HTRA1: variants seen among roughly 807,000 people sequenced by gnomAD.
HTRA1 encodes HtrA serine peptidase 1.
A neutral mutation model predicts 49.7 loss-of-function variants in HTRA1; 26 were observed. The ratio of observed to expected loss-of-function variants is 0.52; its 90% CI spans 0.38 to 0.73. The LOEUF (loss-of-function observed/expected upper bound fraction) is 0.73, where lower values mean the gene tolerates loss of function less well. Ranked by LOEUF, HTRA1 falls within the 30% of genes least tolerant of loss-of-function variation. The pLI is 0.00. For missense variants in HTRA1, 561 were observed against 667.2 expected, an observed-to-expected ratio of 0.84 and a Z score of 1.75; for synonymous variants, 291 against 286.9, an observed-to-expected ratio of 1.01 and a Z score of -0.14.
At chr10:122,476,086 G>T (rs1485524739) in intron 1 of HTRA1, among the ~76,000 whole-genome samples, 1 of 152,022 alleles carries the variant, frequency 6.6e-6, no homozygotes, top group African/African-American at 2.4e-5. Flanking sequence ...CTCCCCTTTC[G>T]CTTCATGCCT....
intron 3 of HTRA1, among the ~76,000 whole-genome samples, chr10:122,491,920 T>G (rs1318843766): frequency 1.3e-5 from 2 of 152,216 alleles, no homozygotes; most frequent in African/African-American, 4.8e-5. Context: ...TTTTTTTTGC[T>G]GATAGTAGTT....
chr10:122,511,334 C>T (rs1334250373), intron 7 of HTRA1, among the ~76,000 whole-genome samples: 3 of 152,122 alleles, frequency 2.0e-5, no homozygotes, highest in African/African-American at 7.2e-5. Context: ...AAGCAACTGT[C>T]CGAGGTCACA....
intron 3 of HTRA1, among the ~76,000 whole-genome samples, chr10:122,495,470 C>A (rs928784445): frequency 5.3e-5 from 8 of 152,102 alleles, no homozygotes; most frequent in African/African-American, 1.9e-4. Context: ...TTATTTTGTG[C>A]CAGGCTTTGT....
chr10:122,466,950 A>G (rs1022433805), intron 1 of HTRA1, among the ~76,000 whole-genome samples: 1 of 138,978 alleles, frequency 7.2e-6, no homozygotes, highest in African/African-American at 3.5e-5. Flanking sequence ...GGAAGTTAAC[A>G]AGCTCAAAAA....
At chr10:122,512,260 G>A (rs2097506004) in intron 8 of HTRA1, among the ~76,000 whole-genome samples, 195 bp downstream of exon 8, 2 of 152,184 alleles carry the variant, frequency 1.3e-5, no homozygotes, top group Admixed American at 1.3e-4. Context: ...TCCATAGGAG[G>A]GTGCCTTCTG....
intron 4 of HTRA1, among the ~76,000 whole-genome samples, 184 bp from the exon 5 acceptor site, chr10:122,507,186 A>G (rs550865462): frequency 6.6e-5 from 10 of 152,256 alleles, no homozygotes; most frequent in African/African-American, 2.4e-4. Flanking sequence ...GGCACCTCTA[A>G]AACTTTCTGA....
intron 1 of HTRA1, among the ~76,000 whole-genome samples, chr10:122,478,392 ATT>A (rs34977432): frequency 5.9e-5 from 7 of 119,084 alleles, no homozygotes; most frequent in Non-Finnish European, 6.6e-5. Context: ...AGTTTGACAG[ATT>A]TTTTTTTTTT....
chr10:122,486,904 GTT>G (rs1329992339), intron 1 of HTRA1, among the ~76,000 whole-genome samples: 1 of 151,958 alleles, frequency 6.6e-6, no homozygotes, highest in Non-Finnish European at 1.5e-5. Context: ...GTGTGGGTGT[GTT>G]TATGCATGTA....
At chr10:122,501,439 C>G (rs2097500819) in intron 3 of HTRA1, among the ~76,000 whole-genome samples, 1 of 152,184 alleles carries the variant, frequency 6.6e-6, no homozygotes, top group Admixed American at 6.5e-5. Flanking sequence ...AGAGTCTTTT[C>G]TAAACATTGT....
intron 1 of HTRA1, among the ~76,000 whole-genome samples, chr10:122,463,327 C>T (rs759196166): frequency 2.0e-5 from 3 of 152,160 alleles, no homozygotes; most frequent in Non-Finnish European, 2.9e-5. Context: ...GGAGCACAGC[C>T]CTCGGGAAAC....
chr10:122,506,802 G>A lies in HTRA1; in HGVS notation c.889G>A (p.Val297Met), dbSNP rs113993969. 2 of 1,613,778 alleles carry A rather than the reference G, an allele frequency of 1.2e-6. No individual in the cohort carries two copies. Among genetic ancestry groups the A allele is most frequent in the Non-Finnish European group, 1.7e-6 (2 of 1,180,024 alleles). ...TCAAAACACAGTCACCACCGGGATCGTGAGCACCACCCAGCGAGGCGGCAA... is the reference window on the plus strand; with the variant it reads ...TCAAAACACAGTCACCACCGGGATCATGAGCACCACCCAGCGAGGCGGCAA... Reference protein sequence around the residue: ...SLQNTVTTGIVSTTQRGGKEL... With the variant: ...SLQNTVTTGIMSTTQRGGKEL... Residue 297 changes from valine (V) to methionine (M), a missense_variant, in exon 4 of 9, where the codon GTG (valine) becomes ATG (methionine). Physicochemically the swap from Val to Met is conservative, Grantham distance 21. Transcript: ENST00000368984. The surrounding 1 kb of genome is among the most constrained non-coding windows in gnomAD (Gnocchi z 5.2).
At position 122,514,655 on chromosome 10, in the gene HTRA1, C is replaced by T. The variant is rs28665753; in HGVS notation, c.*296C>T. 2.4e-6 allele frequency: 1 copy of T among 413,240 alleles called. No homozygotes were observed. Among genetic ancestry groups the T allele is most frequent in the South Asian group, 2.1e-5 (1 of 47,172 alleles). 25.6% of individuals were successfully genotyped at this position (413,240 alleles called of 1,614,324 possible). ...AGTCAGCATTTGTCTCCTCCTTTAA[C>T]TGAGTCATCATCTTAGTCCAACTAA... is the stretch of plus-strand genomic sequence containing the variant. On this transcript the variant is annotated 3_prime_UTR_variant, in exon 9 of 9. Transcript: ENST00000368984.
Position 122,506,131 on chromosome 10 carries a change from C to A in HTRA1, c.778-560C>A, listed in dbSNP as rs1423109943. Among the ~76,000 whole-genome samples the A allele has an allele frequency of 1.3e-5, 2 of 152,240 alleles. No homozygotes were observed. Among genetic ancestry groups the A allele is most frequent in the Non-Finnish European group, 1.5e-5 (1 of 68,044 alleles). On this transcript the variant is annotated intron_variant, in intron 3 of 8. Transcript: ENST00000368984. This position sits in a 1 kb window ranked among gnomAD's most constrained non-coding sequence, Gnocchi z 5.2. ...CCCATGCTCCATCCCTGCCCCTGAC[C>A]AGTGTGGCCCTGTACTCAGCATAGG...
Position 122,461,974 on chromosome 10 carries a change from G to T in HTRA1, c.322G>T (p.Gly108Cys). The stretch of plus-strand genomic sequence containing the variant: ...CACGGTGCGGCGGCGCGCGCAGGCC[G>T]GCCTCTGTGTGTGCGCCAGCAGCGA... ...SATVRRRAQA[G>C]LCVCASSEPV... The change falls in exon 1 of 9, where the codon GGC becomes TGC. Residue 108 changes from glycine to cysteine, a missense_variant. Coordinates refer to ENST00000368984, the MANE Select transcript of HTRA1 (RefSeq NM_002775.5). 6.6e-7 allele frequency: 1 copy of T among 1,511,110 alleles called. No individual in the cohort carries two copies. Among genetic ancestry groups the T allele is most frequent in the Non-Finnish European group, 8.8e-7 (1 of 1,136,870 alleles). 93.6% of individuals were successfully genotyped at this position (1,511,110 alleles called of 1,614,324 possible).
At chr10:122,501,961 G>GTTTTTT (rs541582341) in intron 3 of HTRA1, among the ~76,000 whole-genome samples, 2 of 73,534 alleles carry the variant, frequency 2.7e-5, no homozygotes, top group Admixed American at 2.1e-4. Context: ...TCCATTTGGA[G>GTTTTTT]TTTTTTTTTT....
rs74768103 is a variant in HTRA1, at chr10:122,471,787, T to A, written c.472+9663T>A. 1.3e-4 allele frequency among the ~76,000 whole-genome samples: 20 copies of A among 152,306 alleles called. No homozygotes were observed. In the East Asian group the frequency reaches 3.9e-3, roughly 29 times the overall value. On this transcript the variant is annotated intron_variant, in intron 1 of 8. Coordinates refer to ENST00000368984, the MANE Select transcript of HTRA1 (RefSeq NM_002775.5). Reference sequence around the variant, plus strand: ...TTGAGCCCTCCGCATCTCAGCCGCATCCTCCTGTTGGAGCAGTTAGGTGTT... The same window carrying A: ...TTGAGCCCTCCGCATCTCAGCCGCAACCTCCTGTTGGAGCAGTTAGGTGTT...
At chr10:122,500,272 C>T (rs1329248041) in intron 3 of HTRA1, among the ~76,000 whole-genome samples, 3 of 152,188 alleles carry the variant, frequency 2.0e-5, no homozygotes, top group South Asian at 2.1e-4. Context: ...TTGCGGGGAT[C>T]ATCTGACCCC....
intron 7 of HTRA1, among the ~76,000 whole-genome samples, chr10:122,511,145 G>A (rs1383555915): frequency 6.6e-6 from 1 of 152,200 alleles, no homozygotes; most frequent in African/African-American, 2.4e-5. Flanking sequence ...GTGTGGCCAG[G>A]CTCAGATCAG....
chr10:122,506,695 A>G lies in HTRA1; in HGVS notation c.782A>G (p.Lys261Arg), dbSNP rs763473598. ...IALIKIDHQG[K>R]LPVLLLGRSS... is the part of the protein sequence containing the mutation. Reference sequence around the variant, plus strand: ...CGCCAGCCATTGTGGTTTCAGGGCAAGCTGCCTGTCCTGCTGCTTGGCCGC... The same window carrying G: ...CGCCAGCCATTGTGGTTTCAGGGCAGGCTGCCTGTCCTGCTGCTTGGCCGC... The change falls in exon 4 of 9, where the codon AAG (lysine) becomes AGG (arginine). Residue 261 changes from lysine (K) to arginine (R), a missense_variant. Physicochemically the swap from Lys to Arg is conservative, Grantham distance 26. Transcript: ENST00000368984. The surrounding 1 kb of genome is among the most constrained non-coding windows in gnomAD (Gnocchi z 5.2). 3 of 1,612,594 alleles carry G rather than the reference A, an allele frequency of 1.9e-6. No homozygotes were observed.
Sources: gnomAD v4.1 joint callset for allele counts (sites outside exome capture counted in the v4.1 genomes callset) on GRCh38, gnomAD v4.1.1 for gene constraint, Gnocchi (gnomAD v3.1) non-coding constraint, MANE v1.5 for transcripts, NCBI Gene and HGNC (gene_info 2026-07-23, HGNC 2026-07-21) for gene names.